C12orf42: variants seen among roughly 807,000 people sequenced by gnomAD.
C12orf42 encodes the protein uncharacterized protein C12orf42.
In C12orf42, 25 loss-of-function variants were observed where a neutral mutation model predicts 21.6. The ratio of observed to expected loss-of-function variants is 1.16; its 90% confidence interval spans 0.84 to 1.62. The LOEUF (loss-of-function observed/expected upper bound fraction) is 1.62. C12orf42 is among the 40% of genes most tolerant of loss of function. The probability of loss-of-function intolerance (pLI) is 0.00; values close to 1 mark genes in which losing one functional copy is unlikely to be tolerated. For synonymous variants in C12orf42, 174 were observed against 175.0 expected, an observed-to-expected ratio of 0.99 and a Z score of 0.05; for missense variants, 483 against 459.3, an observed-to-expected ratio of 1.05 and a Z score of -0.47.
chr12:103,349,169 A>T (rs1177753746), intron 4 of C12orf42: 1 of 152,212 alleles, frequency 6.6e-6, no homozygotes, highest in Non-Finnish European at 1.5e-5. Context: ...CTGCTCACTG[A>T]CACAGGAAGA....
chr12:103,320,312 A>G (rs2039965011), intron 4 of C12orf42, among the ~76,000 whole-genome samples: 1 of 152,234 alleles, frequency 6.6e-6, no homozygotes, highest in African/African-American at 2.4e-5. Flanking sequence ...TAATCATTAC[A>G]CCAAATGGTA....
At chr12:103,367,098 G>A (rs927849779) in intron 4 of C12orf42, among the ~76,000 whole-genome samples, 1 of 151,688 alleles carries the variant, frequency 6.6e-6, no homozygotes, top group African/African-American at 2.4e-5. Flanking sequence ...TATATATGAT[G>A]GAATACTACT....
intron 2 of C12orf42, among the ~76,000 whole-genome samples, chr12:103,461,579 A>T (rs1952702915): frequency 6.6e-6 from 1 of 152,206 alleles, no homozygotes; most frequent in Admixed American, 6.5e-5. Flanking sequence ...TGGAACTGGA[A>T]CAGAGGTGGC....
At chr12:103,538,428 G>C in the C12orf42 span, among the ~76,000 whole-genome samples, 1 of 152,184 alleles carries the variant, frequency 6.6e-6, no homozygotes, top group Non-Finnish European at 1.5e-5. Context: ...CTCTGTCTCA[G>C]GGGCTGGAGG....
At chr12:103,129,346 G>C in the C12orf42 span, among the ~76,000 whole-genome samples, 1 of 152,268 alleles carries the variant, frequency 6.6e-6, no homozygotes, top group African/African-American at 2.4e-5. Context: ...ATGAAGTGAC[G>C]TCAGGGCCTG....
chr12:103,522,692 G>T, the C12orf42 span, among the ~76,000 whole-genome samples: 1 of 152,188 alleles, frequency 6.6e-6, no homozygotes, highest in Non-Finnish European at 1.5e-5. Context: ...GTCACCAACA[G>T]GATTGTGTTC....
At chr12:103,296,892 T>C (rs1196773237) in intron 4 of C12orf42, among the ~76,000 whole-genome samples, 2 of 152,232 alleles carry the variant, frequency 1.3e-5, no homozygotes, top group Admixed American at 6.5e-5. Flanking sequence ...TTTTGGCTTT[T>C]GTTGCCATTG....
chr12:103,112,084 C>T, the C12orf42 span, among the ~76,000 whole-genome samples: 1 of 152,174 alleles, frequency 6.6e-6, no homozygotes, highest in Non-Finnish European at 1.5e-5. Context: ...TAATGCCCAA[C>T]TTAAATTTCA....
the C12orf42 span, among the ~76,000 whole-genome samples, chr12:103,145,878 T>C: frequency 6.6e-6 from 1 of 152,036 alleles, no homozygotes; most frequent in Non-Finnish European, 1.5e-5. Flanking sequence ...GTCCAAACAA[T>C]ATGTAAAGTA....
chr12:103,318,283 CA>C (rs997215400), intron 4 of C12orf42, among the ~76,000 whole-genome samples: 1 of 149,224 alleles, frequency 6.7e-6, no homozygotes, highest in Admixed American at 6.7e-5. Context: ...GACTCCATCT[CA>C]AAAAAAAACA....
At chr12:103,283,297 G>A (rs1017276695) in intron 4 of C12orf42, among the ~76,000 whole-genome samples, 2 of 152,168 alleles carry the variant, frequency 1.3e-5, no homozygotes, top group South Asian at 4.1e-4. Flanking sequence ...TACAATCACT[G>A]TCTTGGTCCA....
chr12:103,270,955 A>C (rs186821079), intron 5 of C12orf42, among the ~76,000 whole-genome samples: 58 of 152,286 alleles, frequency 3.8e-4, no homozygotes, highest in African/African-American at 1.3e-3. Context: ...TTCCCAAAAC[A>C]AGGTAGGAAA....
At chr12:103,453,065 G>A (rs1310208700) in intron 2 of C12orf42, among the ~76,000 whole-genome samples, 1 of 151,348 alleles carries the variant, frequency 6.6e-6, no homozygotes, top group Non-Finnish European at 1.5e-5. Context: ...CAATCAATTT[G>A]ATAATTCTAA....
the C12orf42 span, among the ~76,000 whole-genome samples, chr12:103,096,787 G>A: frequency 6.6e-6 from 1 of 152,134 alleles, no homozygotes; most frequent in South Asian, 2.1e-4. Context: ...CAAGGCCCTG[G>A]TTTAACACAT....
chr12:103,072,515 A>G, the C12orf42 span, among the ~76,000 whole-genome samples: 1 of 152,196 alleles, frequency 6.6e-6, no homozygotes, highest in Admixed American at 6.5e-5. Flanking sequence ...GAAATAGGCA[A>G]TTTTAGTCAT....
At chr12:103,303,329 A>C (rs1006520644) in intron 5 of C12orf42, among the ~76,000 whole-genome samples, 1 of 151,860 alleles carries the variant, frequency 6.6e-6, no homozygotes. Context: ...TATATTGCAT[A>C]TATAAACTTC....
At chr12:103,231,634 T>C in the C12orf42 span, among the ~76,000 whole-genome samples, 1 of 152,240 alleles carries the variant, frequency 6.6e-6, no homozygotes, top group East Asian at 1.9e-4. Context: ...TTTGATGGCT[T>C]GGTAGCTCAC....
At chr12:103,188,068 T>C in the C12orf42 span, among the ~76,000 whole-genome samples, 6 of 152,316 alleles carry the variant, frequency 3.9e-5, no homozygotes, top group Admixed American at 2.0e-4. Context: ...TTGGGTGGGT[T>C]CAATCTCATC....
At chr12:103,230,625 AC>A in the C12orf42 span, among the ~76,000 whole-genome samples, 3 of 152,256 alleles carry the variant, frequency 2.0e-5, no homozygotes, top group Middle Eastern at 3.4e-3. Flanking sequence ...CTCTTGTCTG[AC>A]CCCCACTACC....
Sources: gnomAD v4.1 joint callset for allele counts (sites outside exome capture counted in the v4.1 genomes callset) on GRCh38, gnomAD v4.1.1 for gene constraint, MANE v1.5 for transcripts, NCBI Gene and HGNC (gene_info 2026-07-23, HGNC 2026-07-21) for gene names.